ZNF490: variants seen among roughly 807,000 people sequenced by gnomAD.
ZNF490 encodes the protein zinc finger protein 490.
In ZNF490, 11 loss-of-function variants were observed where a neutral mutation model predicts 17.7. The ratio of observed to expected loss-of-function variants is 0.62; its 90% CI spans 0.39 to 1.03. The LOEUF (loss-of-function observed/expected upper bound fraction) is 1.03. Among genes scored for constraint, ZNF490 ranks in the 50% least tolerant of loss-of-function variants. ZNF490 has a pLI of 0.00. For missense variants in ZNF490, 542 were observed against 643.4 expected (o/e 0.84, Z 1.71); for synonymous variants, 222 against 216.1 (o/e 1.03, Z -0.24).
At chr19:12,606,688 C>G (rs1178639589) in intron 2 of ZNF490, among the ~76,000 whole-genome samples, 1 of 152,022 alleles carries the variant, frequency 6.6e-6, no homozygotes, top group Admixed American at 6.6e-5. Flanking sequence ...CTCTGTTGCC[C>G]AGGCTTTGAT....
chr19:12,593,879 C>A (rs2022900941), intron 2 of ZNF490, among the ~76,000 whole-genome samples: 1 of 152,266 alleles, frequency 6.6e-6, no homozygotes, highest in East Asian at 1.9e-4. Context: ...CACCCTCCCA[C>A]CCCAACTCCT....
chr19:12,606,387 C>T (rs1280806477), intron 2 of ZNF490, among the ~76,000 whole-genome samples: 1 of 150,604 alleles, frequency 6.6e-6, no homozygotes, highest in Non-Finnish European at 1.5e-5. Flanking sequence ...ATCTGTTGCC[C>T]AGGCTAGAGT....
chr19:12,594,754 A>G (rs1029217014), intron 2 of ZNF490, among the ~76,000 whole-genome samples: 3 of 152,202 alleles, frequency 2.0e-5, no homozygotes, highest in African/African-American at 7.2e-5. Flanking sequence ...ACACCACTGC[A>G]CTTCTGCCTG....
intron 2 of ZNF490, among the ~76,000 whole-genome samples, chr19:12,589,983 C>T (rs554469662): frequency 4.6e-5 from 7 of 152,086 alleles, no homozygotes; most frequent in East Asian, 1.9e-4. Context: ...GGCACGATCT[C>T]GGCTCACTGC....
intron 2 of ZNF490, among the ~76,000 whole-genome samples, chr19:12,585,360 T>C (rs2022799138): frequency 1.1e-5 from 1 of 92,772 alleles, no homozygotes; most frequent in Non-Finnish European, 2.9e-5. Flanking sequence ...CCTCCAGCCC[T>C]TTTTCTCTCC....
chr19:12,601,257 G>C, intron 2 of ZNF490, among the ~76,000 whole-genome samples: 1 of 151,890 alleles, frequency 6.6e-6, no homozygotes. Context: ...GCGTGGTGGC[G>C]GGCACCTGTA....
chr19:12,598,087 G>T (rs1164582721), intron 2 of ZNF490, among the ~76,000 whole-genome samples: 2 of 151,888 alleles, frequency 1.3e-5, no homozygotes, highest in Non-Finnish European at 2.9e-5. Context: ...AGCTGGGCGT[G>T]GTGGCACGCG....
intron 2 of ZNF490, among the ~76,000 whole-genome samples, chr19:12,583,780 T>C (rs2022773723): frequency 9.2e-6 from 1 of 108,476 alleles, no homozygotes; most frequent in Non-Finnish European, 1.8e-5. Context: ...TCTCTCTCTC[T>C]CTCTCTCTCT....
chr19:12,578,400 A>T lies in ZNF490; in HGVS notation c.*2085T>A. 1.0e-6 allele frequency: 1 copy of T among 985,556 alleles called. No individual in the cohort carries two copies. The highest frequency in any genetic ancestry group is 1.2e-6 in the Non-Finnish European group (1 of 830,010). The allele number at this position is 985,556 out of a possible 1,614,324, so 61.1% of individuals were successfully genotyped here. A position where few individuals can be genotyped will look rare whatever the true frequency, so the allele number is the denominator to read the frequency against. ...CAGGAGAGTGGATGCTGTGTGGTCA[A>T]GGGGTGTGTGTCCCATGATACAGGC... On this transcript the variant is annotated 3_prime_UTR_variant, in exon 5 of 5. Transcript: ENST00000311437.
intron 2 of ZNF490, among the ~76,000 whole-genome samples, chr19:12,602,079 TACACACACACACACAC>T (rs61568541): frequency 2.2e-4 from 15 of 68,652 alleles, no homozygotes; most frequent in Middle Eastern, 6.9e-3. Flanking sequence ...GTTCACTATA[TACACACACACACACAC>T]ACACACACAC....
chr19:12,601,003 T>C (rs1240923294), intron 2 of ZNF490, among the ~76,000 whole-genome samples: 1 of 150,082 alleles, frequency 6.7e-6, no homozygotes, highest in East Asian at 2.0e-4. Flanking sequence ...GGTGGGAGGA[T>C]CCTTTGAGCC....
chr19:12,598,127 G>C (rs2022957377), intron 2 of ZNF490, among the ~76,000 whole-genome samples: 1 of 152,002 alleles, frequency 6.6e-6, no homozygotes, highest in African/African-American at 2.4e-5. Flanking sequence ...AGGAGGCTGA[G>C]GCAGGAGAAT....
rs1375746580 is a variant in ZNF490 at position 12,579,013 on chromosome 19, G to T, written c.*1472C>A. On this transcript the variant is annotated 3_prime_UTR_variant, in exon 5 of 5. Transcript: ENST00000311437. ...TCACGCCTATAATCCCAGCACTTTGGGAGGCCGAGGAGGGCGGATCACGAG... is the reference window on the plus strand; with the variant it reads ...TCACGCCTATAATCCCAGCACTTTGTGAGGCCGAGGAGGGCGGATCACGAG... The T allele has an allele frequency of 1.0e-5, 9 of 862,096 alleles. No individual in the cohort carries two copies. The highest frequency in any genetic ancestry group is 1.3e-5 in the Non-Finnish European group (9 of 717,410). The allele number at this position is 862,096 out of a possible 1,614,324, so 53.4% of individuals were successfully genotyped here. A position where few individuals can be genotyped will look rare whatever the true frequency, so the allele number is the denominator to read the frequency against.
chr19:12,590,618 G>A (rs571150945), intron 2 of ZNF490, among the ~76,000 whole-genome samples: 2 of 152,198 alleles, frequency 1.3e-5, no homozygotes. Context: ...AACTAAAGCT[G>A]TCTATCTGCA....
chr19:12,583,807 A>ATTTTTTTT (rs1568278640), intron 2 of ZNF490, among the ~76,000 whole-genome samples: 2 of 112,412 alleles, frequency 1.8e-5, no homozygotes, highest in African/African-American at 7.4e-5. Flanking sequence ...ATATATATAT[A>ATTTTTTTT]TATATTTTTT....
chr19:12,604,498 A>G (rs999700579), intron 2 of ZNF490, among the ~76,000 whole-genome samples: 1 of 151,952 alleles, frequency 6.6e-6, no homozygotes, highest in Non-Finnish European at 1.5e-5. Flanking sequence ...AAAAACATAG[A>G]CACACAGAAA....
chr19:12,582,632 G>A lies in ZNF490; in HGVS notation c.350+218C>T, dbSNP rs566510671. Among the ~76,000 whole-genome samples the A allele has an allele frequency of 1.4e-3, 215 of 152,182 alleles. 2 individuals carry two copies. In the Middle Eastern group the frequency reaches 0.024, roughly 17 times the overall value. ...GATGGTCTCGATCTCCTGATCTCAT[G>A]ATCCACTGGCCTCAGCCTCCCAAAG... On this transcript the variant is annotated intron_variant, in intron 4 of 4. Transcript: ENST00000311437.
At chr19:12,591,071 G>T (rs1217399650) in intron 2 of ZNF490, among the ~76,000 whole-genome samples, 1 of 151,884 alleles carries the variant, frequency 6.6e-6, no homozygotes, top group Non-Finnish European at 1.5e-5. Context: ...TAAATTATAA[G>T]TTTGACTTCA....
At chr19:12,604,910 T>C (rs1453031236) in intron 2 of ZNF490, among the ~76,000 whole-genome samples, 1 of 151,996 alleles carries the variant, frequency 6.6e-6, no homozygotes, top group Non-Finnish European at 1.5e-5. Context: ...TGCCAGCACT[T>C]TGGGAGGCCA....
Sources: gnomAD v4.1 joint callset for allele counts (sites outside exome capture counted in the v4.1 genomes callset) on GRCh38, gnomAD v4.1.1 for gene constraint, MANE v1.5 for transcripts, NCBI Gene and HGNC (gene_info 2026-07-23, HGNC 2026-07-21) for gene names.